The following EPHA5 variants were observed in gnomAD, a reference collection of about 807,000 sequenced individuals.
The protein encoded by EPHA5 is ephrin type-A receptor 5.
Under a neutral mutation model 105.0 loss-of-function variants are expected in EPHA5, and 60 were observed. The observed-to-expected ratio is 0.57, with a 90% CI of 0.46 to 0.71. The LOEUF is 0.71. Among genes scored for constraint, EPHA5 ranks in the 30% least tolerant of loss-of-function variants. The pLI is 0.00. For missense variants in EPHA5, 1,218 were observed against 1,274.7 expected (o/e 0.96, Z 0.68); for synonymous variants, 513 against 449.1 (o/e 1.14, Z -1.80).
intron 3 of EPHA5, among the ~76,000 whole-genome samples, chr4:65,500,217 A>G (rs1312373987): frequency 6.6e-6 from 1 of 151,474 alleles, no homozygotes; most frequent in Non-Finnish European, 1.5e-5. Flanking sequence ...ATGTCTGTAC[A>G]TTACCTAAAT....
At chr4:65,339,528 A>C (rs1397443868) in intron 14 of EPHA5, among the ~76,000 whole-genome samples, 2 of 152,192 alleles carry the variant, frequency 1.3e-5, no homozygotes, top group Non-Finnish European at 2.9e-5. Flanking sequence ...ACAAGAGTTA[A>C]GCTCTTAGGG....
intron 2 of EPHA5, among the ~76,000 whole-genome samples, chr4:65,637,416 C>G (rs1747229378): frequency 1.3e-5 from 2 of 151,374 alleles, no homozygotes; most frequent in African/African-American, 4.8e-5. Flanking sequence ...GGCAGTTTTA[C>G]TCAGCTTTGG....
intron 8 of EPHA5, among the ~76,000 whole-genome samples, chr4:65,370,829 G>A (rs1011246044): frequency 6.6e-6 from 1 of 151,996 alleles, no homozygotes; most frequent in Admixed American, 6.6e-5. Flanking sequence ...TCACATTAAC[G>A]TATGGAATTA....
intron 16 of EPHA5, chr4:65,330,964 T>C: frequency 9.6e-7 from 1 of 1,043,894 alleles, no homozygotes; most frequent in Non-Finnish European, 1.2e-6. Flanking sequence ...GGTGGTACCC[T>C]GTTACCTTCT....
chr4:65,645,403 G>A (rs780920049), intron 1 of EPHA5, among the ~76,000 whole-genome samples: 49 of 151,970 alleles, frequency 3.2e-4, no homozygotes, highest in Non-Finnish European at 1.5e-4. Flanking sequence ...TGCTAATGAC[G>A]GCAATCAAAT....
At chr4:65,613,143 G>A (rs1023072527) in intron 2 of EPHA5, among the ~76,000 whole-genome samples, 3 of 151,696 alleles carry the variant, frequency 2.0e-5, no homozygotes, top group Non-Finnish European at 4.4e-5. Flanking sequence ...TCCTAATCTC[G>A]GTATATGTTT....
intron 11 of EPHA5, among the ~76,000 whole-genome samples, chr4:65,363,848 T>C (rs1046075389): frequency 9.9e-5 from 15 of 151,736 alleles, no homozygotes; most frequent in African/African-American, 3.4e-4. Flanking sequence ...ATTCTGATTT[T>C]ATTTTATTGC....
At chr4:65,570,600 A>G (rs1010884198) in intron 3 of EPHA5, among the ~76,000 whole-genome samples, 2 of 151,936 alleles carry the variant, frequency 1.3e-5, no homozygotes, top group African/African-American at 2.4e-5. Flanking sequence ...CTAGGATAAA[A>G]AAAGGTCATG....
At chr4:65,505,315 T>C (rs1191430191) in intron 3 of EPHA5, among the ~76,000 whole-genome samples, 5 of 151,990 alleles carry the variant, frequency 3.3e-5, no homozygotes, top group Non-Finnish European at 5.9e-5. Context: ...GACACAAACA[T>C]ACTATTAATG....
At chr4:65,586,719 G>A (rs1009892384) in intron 3 of EPHA5, among the ~76,000 whole-genome samples, 2 of 151,082 alleles carry the variant, frequency 1.3e-5, no homozygotes, top group South Asian at 4.2e-4. Flanking sequence ...ACTAACTCAG[G>A]GTTCTTGGAA....
intron 8 of EPHA5, among the ~76,000 whole-genome samples, chr4:65,395,458 T>C (rs138094137): frequency 1.1e-4 from 16 of 152,278 alleles, no homozygotes; most frequent in African/African-American, 3.8e-4. Context: ...TAAAAGTAAG[T>C]ACAAAAGGCT....
chr4:65,583,414 A>G (rs1438005447), intron 3 of EPHA5, among the ~76,000 whole-genome samples: 2 of 151,846 alleles, frequency 1.3e-5, no homozygotes, highest in Non-Finnish European at 3.0e-5. Context: ...CTTTAATCTT[A>G]CTGTGTAGTT....
intron 6 of EPHA5, among the ~76,000 whole-genome samples, chr4:65,415,296 C>T (rs1210461151): frequency 6.6e-6 from 1 of 152,036 alleles, no homozygotes; most frequent in East Asian, 1.9e-4. Flanking sequence ...TGGGTAGAGA[C>T]TTGCTTGGGT....
chr4:65,554,562 T>C (rs888363206), intron 3 of EPHA5, among the ~76,000 whole-genome samples: 4 of 151,482 alleles, frequency 2.6e-5, no homozygotes, highest in Non-Finnish European at 4.4e-5. Context: ...TTATAATAAA[T>C]GTATAATGTG....
At chr4:65,404,749 T>C (rs1020253965) in intron 7 of EPHA5, among the ~76,000 whole-genome samples, 2 of 152,330 alleles carry the variant, frequency 1.3e-5, no homozygotes, top group Admixed American at 6.5e-5. Flanking sequence ...GTTGTTTGCA[T>C]AGTATTCATC....
intron 11 of EPHA5, among the ~76,000 whole-genome samples, chr4:65,361,403 G>T (rs1037360510): frequency 6.6e-6 from 1 of 151,544 alleles, no homozygotes; most frequent in Non-Finnish European, 1.5e-5. Context: ...ATGTGTATCA[G>T]GTTAAGTATG....
intron 3 of EPHA5, chr4:65,573,683 C>T (rs1284464479): frequency 4.4e-6 from 7 of 1,596,698 alleles, no homozygotes; most frequent in East Asian, 4.5e-5. Flanking sequence ...AGTACTCAGC[C>T]GCTAAATCCA....
chr4:65,331,924 T>A (rs760601373), intron 16 of EPHA5, 49 bp downstream of exon 16: 1 of 1,559,152 alleles, frequency 6.4e-7, no homozygotes, highest in South Asian at 1.2e-5. Context: ...TTTTGAACAA[T>A]TTTTCTTGCC....
intron 5 of EPHA5, among the ~76,000 whole-genome samples, chr4:65,424,670 T>C (rs1173233406): frequency 6.6e-6 from 1 of 152,060 alleles, no homozygotes; most frequent in East Asian, 1.9e-4. Flanking sequence ...GCTTCTTCTC[T>C]GAACTTGGCA....
Sources: allele counts gnomAD v4.1 joint callset (sites outside exome capture counted in the v4.1 genomes callset), GRCh38; gene constraint gnomAD v4.1.1; transcripts MANE v1.5; gene names NCBI Gene and HGNC (gene_info 2026-07-23, HGNC 2026-07-21).